The following GRIN2B variants were observed in gnomAD, a reference collection of about 807,000 sequenced individuals.
GRIN2B encodes glutamate ionotropic receptor NMDA type subunit 2B, also known as glutamate receptor ionotropic, NMDA 2B.
Under a neutral mutation model 114.5 loss-of-function variants are expected in GRIN2B, and 5 were observed. The observed-to-expected ratio is 0.04, with a 90% confidence interval of 0.02 to 0.09. The LOEUF is 0.09. Among genes scored for constraint, GRIN2B ranks in the 10% least tolerant of loss-of-function variants. The probability of loss-of-function intolerance (pLI) is 1.00; values close to 1 mark genes in which losing one functional copy is unlikely to be tolerated. For synonymous variants in GRIN2B, 787 were observed against 745.1 expected (o/e 1.06, Z -0.92); for missense variants, 1,108 against 1,943.5 (o/e 0.57, Z 8.08).
rs184679264 is a variant in GRIN2B at position 13,903,092 on chromosome 12, C to T, written c.-18-36866G>A. 5.6e-3 allele frequency among the ~76,000 whole-genome samples: 856 copies of T among 151,984 alleles called. 5 individuals carry two copies. Among genetic ancestry groups the T allele is most frequent in the Middle Eastern group, 0.027 (8 of 292 alleles). On this transcript the variant is annotated intron_variant, in intron 2 of 13. Coordinates refer to ENST00000609686, the MANE Select transcript of GRIN2B (RefSeq NM_000834.5). ...TTTCATGTAGCACTTCTAGTGATAT[C>T]CCCATTTTTCTTCCTTAAACCATTT...
chr12:13,723,143 G>C (rs540908927), intron 4 of GRIN2B, among the ~76,000 whole-genome samples: 1 of 126,486 alleles, frequency 7.9e-6, no homozygotes, highest in African/African-American at 2.6e-5. Flanking sequence ...TTTTTTTTTT[G>C]TTTTTTATTA....
In GRIN2B at chr12:13,701,484, A is replaced by T. The variant is rs1045880029; in HGVS notation, c.1011-25625T>A. Among the ~76,000 whole-genome samples the T allele has an allele frequency of 1.2e-4, 18 of 147,386 alleles. No homozygotes were observed. In the South Asian group the frequency reaches 3.5e-3, roughly 29 times the overall value. ...AACTAATACTTACCAAGCAACTATT[A>T]TGTGTGAAGCACTAGGGATTCAGTG... On this transcript the variant is annotated intron_variant, in intron 4 of 13. Transcript: ENST00000609686.
At chr12:13,711,624 A>T (rs948988559) in intron 4 of GRIN2B, among the ~76,000 whole-genome samples, 3 of 152,168 alleles carry the variant, frequency 2.0e-5, no homozygotes, top group African/African-American at 7.2e-5. Flanking sequence ...AGACACATGA[A>T]AAAATGCTCA....
intron 10 of GRIN2B, among the ~76,000 whole-genome samples, chr12:13,605,786 C>T (rs958981527): frequency 1.3e-5 from 2 of 152,106 alleles, no homozygotes; most frequent in Non-Finnish European, 2.9e-5. Context: ...GTTGTTACTG[C>T]GTGGCCCATG....
chr12:13,702,657 T>C (rs905794066), intron 4 of GRIN2B, among the ~76,000 whole-genome samples: 1 of 152,178 alleles, frequency 6.6e-6, no homozygotes, highest in Non-Finnish European at 1.5e-5. Flanking sequence ...AGCTCCATTA[T>C]AACCAGGGAT....
rs551443184 is a variant in GRIN2B at position 13,647,197 on chromosome 12, T to A, written c.1125+28548A>T. ...CAGAAACTGTGATATAAGAAGTATGTGCTGTTTAAGCCACTGGGTTGATGG... is the reference window on the plus strand; with the variant it reads ...CAGAAACTGTGATATAAGAAGTATGAGCTGTTTAAGCCACTGGGTTGATGG... On this transcript the variant is annotated intron_variant, in intron 5 of 13. Coordinates refer to ENST00000609686, the MANE Select transcript of GRIN2B (RefSeq NM_000834.5). 2.0e-5 allele frequency among the ~76,000 whole-genome samples: 3 copies of A among 152,228 alleles called. No homozygotes were observed. The South Asian group carries it at 6.2e-4, about 32-fold the overall frequency.
chr12:13,643,725 T>C (rs1312092022), intron 5 of GRIN2B, among the ~76,000 whole-genome samples: 1 of 152,184 alleles, frequency 6.6e-6, no homozygotes, highest in East Asian at 1.9e-4. Flanking sequence ...ACTAAGTTTA[T>C]GTAATATTCT....
intron 3 of GRIN2B, among the ~76,000 whole-genome samples, chr12:13,762,749 G>GC (rs1469184654): frequency 2.0e-5 from 3 of 152,192 alleles, no homozygotes; most frequent in African/African-American, 4.8e-5. Flanking sequence ...TTCTGTCCCA[G>GC]CTCCATATGG....
intron 3 of GRIN2B, among the ~76,000 whole-genome samples, chr12:13,800,224 G>A (rs575311170): frequency 1.6e-4 from 25 of 152,080 alleles, no homozygotes; most frequent in Non-Finnish European, 3.7e-4. Context: ...TGACGTTAAG[G>A]ACCCATCCCA....
At chr12:13,931,756 G>A (rs1867036037) in intron 2 of GRIN2B, among the ~76,000 whole-genome samples, 1 of 152,160 alleles carries the variant, frequency 6.6e-6, no homozygotes, top group Admixed American at 6.5e-5. Context: ...CACCATTTAT[G>A]CAACTGCATA....
intron 4 of GRIN2B, among the ~76,000 whole-genome samples, chr12:13,722,145 A>G (rs1219628312): frequency 1.3e-5 from 2 of 152,122 alleles, no homozygotes. Flanking sequence ...GGAGGGTGAA[A>G]GAGGTGAGGA....
intron 8 of GRIN2B, among the ~76,000 whole-genome samples, chr12:13,614,721 A>C (rs1208846929): frequency 6.6e-6 from 1 of 152,258 alleles, no homozygotes; most frequent in Non-Finnish European, 1.5e-5. Context: ...ATCCAGAATT[A>C]GAAATTATTA....
chr12:13,839,093 CACCT>C (rs1565557760), intron 3 of GRIN2B, among the ~76,000 whole-genome samples: 1 of 152,194 alleles, frequency 6.6e-6, no homozygotes, highest in African/African-American at 2.4e-5. Context: ...CTGTTTATAA[CACCT>C]ACTGATCACA....
chr12:13,944,391 T>C (rs1159361714), intron 2 of GRIN2B, among the ~76,000 whole-genome samples: 2 of 152,158 alleles, frequency 1.3e-5, no homozygotes, highest in Non-Finnish European at 2.9e-5. Flanking sequence ...TGCCCCAAGG[T>C]AGCTTCCCAA....
chr12:13,626,572 A>C (rs1949569097), intron 5 of GRIN2B, among the ~76,000 whole-genome samples: 1 of 152,132 alleles, frequency 6.6e-6, no homozygotes, highest in Non-Finnish European at 1.5e-5. Flanking sequence ...ACTCAGGCAA[A>C]TATGTATGTA....
At chr12:13,839,307 A>G (rs1383098104) in intron 3 of GRIN2B, among the ~76,000 whole-genome samples, 3 of 152,220 alleles carry the variant, frequency 2.0e-5, no homozygotes, top group African/African-American at 7.2e-5. Flanking sequence ...AAGTACCTGA[A>G]TGAGAGTGAT....
intron 10 of GRIN2B, among the ~76,000 whole-genome samples, chr12:13,593,484 G>A (rs945788900): frequency 8.5e-5 from 13 of 152,178 alleles, no homozygotes; most frequent in South Asian, 4.1e-4. Flanking sequence ...GGGAAAAGTG[G>A]CTAGCCATAT....
chr12:13,617,979 C>T (rs1033271967), intron 5 of GRIN2B, among the ~76,000 whole-genome samples: 2 of 152,222 alleles, frequency 1.3e-5, no homozygotes, highest in Non-Finnish European at 2.9e-5. Flanking sequence ...GGTACCTACA[C>T]AGTCCTTGTT....
intron 10 of GRIN2B, among the ~76,000 whole-genome samples, chr12:13,595,607 C>T (rs1040838159): frequency 9.2e-5 from 14 of 152,212 alleles, no homozygotes; most frequent in African/African-American, 2.9e-4. Context: ...TTGACTCTGC[C>T]TCCATCTCCA....
Sources: allele counts gnomAD v4.1 joint callset (sites outside exome capture counted in the v4.1 genomes callset), GRCh38; gene constraint gnomAD v4.1.1; transcripts MANE v1.5; gene names NCBI Gene and HGNC (gene_info 2026-07-23, HGNC 2026-07-21).